The following EIF4E2 variants were observed in gnomAD, a reference collection of about 807,000 sequenced individuals.
EIF4E2 encodes the protein eukaryotic translation initiation factor 4E family member 2.
Under a neutral mutation model 34.2 loss-of-function variants are expected in EIF4E2, and 13 were observed. That is an observed-to-expected ratio of 0.38 (90% CI 0.25 to 0.60). EIF4E2 has a LOEUF of 0.60. Among genes scored for constraint, EIF4E2 ranks in the 20% least tolerant of loss-of-function variants. EIF4E2 has a pLI of 0.62. For missense variants in EIF4E2, 222 were observed against 315.1 expected, an observed-to-expected ratio of 0.70 and a Z score of 2.24; for synonymous variants, 100 against 106.6, an observed-to-expected ratio of 0.94 and a Z score of 0.38.
At chr2:232,580,526 C>T (rs1252657752) in intron 6 of EIF4E2, among the ~76,000 whole-genome samples, 1 of 152,192 alleles carries the variant, frequency 6.6e-6, no homozygotes, top group Non-Finnish European at 1.5e-5. Flanking sequence ...CCCCCATTTA[C>T]ACAGAAGGTA....
rs1693353425 is a variant in EIF4E2, at chr2:232,581,234, C to G, written c.*291C>G. ...CTGTTTGCTGTGTGCTGTCCAGATG[C>G]CTCTTGGGCGTCCTGTTGTTCTCTT... On this transcript the variant is annotated 3_prime_UTR_variant, in exon 7 of 7. Coordinates refer to the EIF4E2 transcript ENST00000409098. The surrounding 1 kb of genome is among the most constrained non-coding windows in gnomAD (Gnocchi z 5.2). 1 of 508,658 alleles carries G rather than the reference C, an allele frequency of 2.0e-6. No individual in the cohort carries two copies. The highest frequency in any genetic ancestry group is 4.5e-4 in the Middle Eastern group (1 of 2,216). The allele number at this position is 508,658 out of a possible 1,614,324, so 31.5% of individuals were successfully genotyped here.
chr2:232,562,796 G>A (rs1692768031), intron 3 of EIF4E2, among the ~76,000 whole-genome samples: 1 of 152,184 alleles, frequency 6.6e-6, no homozygotes, highest in African/African-American at 2.4e-5. Flanking sequence ...CTATGTTAGG[G>A]TGGATAAAGG....
Position 232,557,951 on chromosome 2 carries a change from C to T in EIF4E2, c.203C>T (p.Thr68Ile). 2 of 1,614,100 alleles carry T rather than the reference C, an allele frequency of 1.2e-6. No individual in the cohort carries two copies. The highest frequency in any genetic ancestry group is 3.3e-4 in the Middle Eastern group (2 of 6,052). ...TACACTTTTTGGTACTCCAGGAGAA[C>T]CCCCGGCCGTCCCACGAGCTCACAG... ...YNYTFWYSRR[T>I]PGRPTSSQSY... Residue 68 changes from threonine (T) to isoleucine (I), a missense_variant, in exon 3 of 7, where the codon ACC becomes ATC. Around this residue, in one of 3 missense-constraint regions of EIF4E2, gnomAD observed 87 missense variants for 93.6 expected, o/e 0.93. Transcript: ENST00000258416.
chr2:232,568,432 G>A, intron 6 of EIF4E2: 3 of 985,246 alleles, frequency 3.0e-6, no homozygotes, highest in African/African-American at 3.5e-5. Context: ...GCAGTCCTGT[G>A]TTAGCATTGC....
downstream of EIF4E2, chr2:232,574,146 G>A: frequency 9.7e-7 from 1 of 1,032,628 alleles, no homozygotes; most frequent in Non-Finnish European, 1.5e-6. Context: ...GGTACCTGTG[G>A]CTCCACTCGG....
chr2:232,558,549 G>T (rs1190438), intron 3 of EIF4E2: 46,277 of 151,560 alleles, frequency 0.31, 7,607 homozygotes, highest in Admixed American at 0.41. Flanking sequence ...CCTCCCAAAA[G>T]GCTGGATTAC....
intron 6 of EIF4E2, chr2:232,568,086 A>T (rs1213681428): frequency 1.0e-6 from 1 of 985,302 alleles, no homozygotes; most frequent in East Asian, 1.1e-4. Flanking sequence ...AGGCTGATTT[A>T]ATCTTTAACT....
rs1693282153 is a variant in EIF4E2, at chr2:232,578,986, G to A, written c.666-1918G>A. 2.0e-5 allele frequency among the ~76,000 whole-genome samples: 3 copies of A among 152,260 alleles called. No individual in the cohort carries two copies. The South Asian group carries it at 6.2e-4, about 32-fold the overall frequency. On this transcript the variant is annotated intron_variant, in intron 6 of 6. Coordinates refer to the EIF4E2 transcript ENST00000409098. Reference sequence around the variant, plus strand: ...TGATTAGGTGGGCATAGACGTGCCTGTAAAAGGGAAGAAATGGAACAGAGC... The same window carrying A: ...TGATTAGGTGGGCATAGACGTGCCTATAAAAGGGAAGAAATGGAACAGAGC...
intron 3 of EIF4E2, among the ~76,000 whole-genome samples, chr2:232,563,502 C>T (rs148751964): frequency 1.3e-5 from 2 of 151,854 alleles, no homozygotes; most frequent in Non-Finnish European, 2.9e-5. Flanking sequence ...AGTTTTCTCA[C>T]GGGATTGTGA....
downstream of EIF4E2, among the ~76,000 whole-genome samples, chr2:232,571,461 G>A (rs1296042607): frequency 2.0e-5 from 3 of 152,282 alleles, no homozygotes; most frequent in South Asian, 6.2e-4. Context: ...AACTGGGCTC[G>A]GAGCCATATG....
chr2:232,560,448 C>A (rs989027564), intron 3 of EIF4E2, among the ~76,000 whole-genome samples: 21 of 152,310 alleles, frequency 1.4e-4, no homozygotes, highest in African/African-American at 5.1e-4. Flanking sequence ...GCAAAGCCTT[C>A]TTAAGTAACA....
At chr2:232,578,361 G>A (rs1286665729) in intron 6 of EIF4E2, among the ~76,000 whole-genome samples, 2 of 152,150 alleles carry the variant, frequency 1.3e-5, no homozygotes, top group African/African-American at 2.4e-5. Flanking sequence ...GGCTGGGCAC[G>A]GTGGCTCACG....
chr2:232,574,315 G>A (rs894455063), intron 6 of EIF4E2: 7 of 1,550,364 alleles, frequency 4.5e-6, no homozygotes, highest in African/African-American at 1.4e-5. Context: ...CTGATCGGAC[G>A]CTCCCCCTCT....
chr2:232,565,176 A>G (rs892419040), intron 4 of EIF4E2, among the ~76,000 whole-genome samples: 13 of 152,296 alleles, frequency 8.5e-5, no homozygotes, highest in Admixed American at 5.2e-4. Context: ...CATTGCTCAC[A>G]TGATCTTGCA....
At chr2:232,576,077 A>G (rs908011247) in intron 6 of EIF4E2, among the ~76,000 whole-genome samples, 5 of 151,890 alleles carry the variant, frequency 3.3e-5, no homozygotes, top group Admixed American at 1.3e-4. Context: ...GGTGGCACAC[A>G]CCTGTTGTCC....
chr2:232,555,695 G>A (rs1253481723), intron 1 of EIF4E2, among the ~76,000 whole-genome samples: 2 of 152,036 alleles, frequency 1.3e-5, no homozygotes, highest in African/African-American at 2.4e-5. Flanking sequence ...GTGACAGACC[G>A]AAGGGGTGGT....
chr2:232,568,100 G>A (rs1344139657), intron 6 of EIF4E2: 1 of 985,302 alleles, frequency 1.0e-6, no homozygotes, highest in Non-Finnish European at 1.2e-6. Context: ...TTTAACTGAG[G>A]GTCTTCAGAT....
At chr2:232,560,098 G>T (rs748383533) in intron 3 of EIF4E2, among the ~76,000 whole-genome samples, 16 of 152,178 alleles carry the variant, frequency 1.1e-4, no homozygotes, top group Non-Finnish European at 1.8e-4. Flanking sequence ...AACACATGGA[G>T]GTGCCTGGAG....
downstream of EIF4E2, among the ~76,000 whole-genome samples, chr2:232,570,793 G>A (rs892310896): frequency 2.0e-5 from 3 of 152,106 alleles, no homozygotes; most frequent in South Asian, 4.2e-4. Context: ...AAAATTAGCC[G>A]GGCATAGTGG....
Sources: gnomAD v4.1 joint callset for allele counts (sites outside exome capture counted in the v4.1 genomes callset) on GRCh38, gnomAD v4.1.1 for gene constraint, gnomAD v4.1.1 regional missense constraint, Gnocchi (gnomAD v3.1) non-coding constraint, MANE v1.5 for transcripts, NCBI Gene and HGNC (gene_info 2026-07-23, HGNC 2026-07-21) for gene names.